Variants in ASB2 observed in about 807,000 individuals in gnomAD.
The protein encoded by ASB2 is ankyrin repeat and SOCS box containing 2.
ASB2 carries 58 observed loss-of-function variants against 62.4 expected under a neutral mutation model. That is an observed-to-expected ratio of 0.93 (90% CI 0.75 to 1.16). The LOEUF is 1.16. ASB2 is among the 50% of genes most tolerant of loss of function. The probability of loss-of-function intolerance (pLI) is 0.00; values close to 1 mark genes in which losing one functional copy is unlikely to be tolerated. For missense variants in ASB2, 928 were observed against 887.9 expected (o/e 1.05, Z -0.57); for synonymous variants, 386 against 385.3 (o/e 1.00, Z -0.02).
At chr14:93,961,311 G>A (rs1595330232) in intron 2 of ASB2, among the ~76,000 whole-genome samples, 1 of 152,246 alleles carries the variant, frequency 6.6e-6, no homozygotes, top group Admixed American at 6.5e-5. Context: ...CAGCCAGTAA[G>A]TGTAGAGGAA....
At chr14:93,944,455 G>A (rs570123441) in intron 7 of ASB2, among the ~76,000 whole-genome samples, 11 of 152,258 alleles carry the variant, frequency 7.2e-5, no homozygotes, top group Non-Finnish European at 1.6e-4. Context: ...TTCGGCTCCT[G>A]GTGCTGCCTT....
intron 9 of ASB2, among the ~76,000 whole-genome samples, chr14:93,935,423 G>GTCAT (rs55731345): frequency 0.57 from 86,719 of 150,852 alleles, 25,252 homozygotes; most frequent in South Asian, 0.64. Context: ...ATCACAGAAT[G>GTCAT]TCATTCATTC....
chr14:93,951,340 C>T, intron 5 of ASB2, 96 bp from the exon 6 acceptor site: 1 of 1,413,236 alleles, frequency 7.1e-7, no homozygotes, highest in Admixed American at 2.1e-5. Context: ...CTCATCCACT[C>T]ATTCAGCTTT....
rs10873442 is a variant in ASB2 at position 93,939,525 on chromosome 14, G to A, written c.1200C>T (p.Ala400=). The A allele has an allele frequency of 6.2e-7, 1 of 1,604,294 alleles. No individual in the cohort carries two copies. Among genetic ancestry groups the A allele is most frequent in the Admixed American group, 1.7e-5 (1 of 59,270 alleles). The change falls in exon 8 of 10, where the codon GCC becomes GCT. Residue 400 remains alanine, a synonymous_variant. Transcript: ENST00000555019. ...CTTCGTAGAGGCGCGCGCGCTCGGG[G>A]GCCAGCGGCGTGTTCACGTCGAAGC... is the stretch of plus-strand genomic sequence containing the variant. ...SARFDVNTPL[A]PERARLYEDR...
chr14:93,974,203 T>C (rs1218255254), intron 1 of ASB2: 2 of 152,234 alleles, frequency 1.3e-5, no homozygotes, highest in Non-Finnish European at 2.9e-5. Flanking sequence ...CTTTCCTCTC[T>C]CCTTTTTTAC....
intron 1 of ASB2, among the ~76,000 whole-genome samples, chr14:93,966,465 C>T (rs1315431091): frequency 6.6e-6 from 1 of 152,252 alleles, no homozygotes; most frequent in Non-Finnish European, 1.5e-5. Context: ...CTTTCCCCAA[C>T]CTCTGCTTAG....
chr14:93,951,988 G>A (rs777486370), intron 5 of ASB2, among the ~76,000 whole-genome samples: 1 of 152,184 alleles, frequency 6.6e-6, no homozygotes, highest in Non-Finnish European at 1.5e-5. Context: ...TGGTATTGGA[G>A]TCACCTGGGC....
intron 7 of ASB2, among the ~76,000 whole-genome samples, chr14:93,946,257 C>T (rs1349519974): frequency 3.3e-5 from 5 of 152,150 alleles, no homozygotes; most frequent in South Asian, 4.1e-4. Context: ...AATGAAAATC[C>T]GGGTTGACCC....
intron 3 of ASB2, 127 bp downstream of exon 3, chr14:93,956,639 G>T: frequency 4.7e-6 from 6 of 1,279,470 alleles, no homozygotes; most frequent in East Asian, 4.8e-5. Context: ...GAAGGAGCGT[G>T]CCTGGCAGGT....
intron 8 of ASB2, among the ~76,000 whole-genome samples, chr14:93,938,143 C>T (rs929195274): frequency 1.3e-5 from 2 of 151,316 alleles, no homozygotes; most frequent in African/African-American, 2.4e-5. Context: ...AAACTTTGCA[C>T]ACAGTAGGCA....
intron 6 of ASB2, among the ~76,000 whole-genome samples, chr14:93,948,521 T>C (rs894314578): frequency 4.6e-5 from 7 of 152,262 alleles, no homozygotes; most frequent in Admixed American, 3.9e-4. Flanking sequence ...CTGCTATCAA[T>C]AACTTCTAGC....
In ASB2 at chr14:93,967,650, T is replaced by C. The variant is rs554414150; in HGVS notation, c.-73-3038A>G. Among the ~76,000 whole-genome samples the C allele has an allele frequency of 3.9e-5, 6 of 152,190 alleles. No homozygotes were observed. In the East Asian group the frequency reaches 7.7e-4, roughly 20 times the overall value. ...AAGGACGATTTGGGGCTGGAAGTTT[T>C]CCGCAGATTTTTCAGTTCTAAAGAG... On this transcript the variant is annotated intron_variant, in intron 1 of 9. Transcript: ENST00000555019.
At chr14:93,942,695 G>T (rs570446234) in intron 7 of ASB2, among the ~76,000 whole-genome samples, 1 of 152,358 alleles carries the variant, frequency 6.6e-6, no homozygotes, top group South Asian at 2.1e-4. Flanking sequence ...CTAGAGAGGG[G>T]CCCAGCATGG....
chr14:93,962,801 A>G (rs1889456928), intron 2 of ASB2, among the ~76,000 whole-genome samples: 1 of 152,182 alleles, frequency 6.6e-6, no homozygotes, highest in South Asian at 2.1e-4. Context: ...CAGAGGAAGG[A>G]TGCCCTATCT....
At chr14:93,974,731 A>G (rs531802956) in intron 1 of ASB2, among the ~76,000 whole-genome samples, 13 of 152,172 alleles carry the variant, frequency 8.5e-5, no homozygotes, top group Middle Eastern at 3.2e-3. Flanking sequence ...AGCTCTCATA[A>G]CCTGTTTCCA....
chr14:93,960,018 C>T (rs897237385), intron 2 of ASB2, among the ~76,000 whole-genome samples: 4 of 151,030 alleles, frequency 2.6e-5, no homozygotes, highest in East Asian at 1.9e-4. Context: ...GTCCACCCCA[C>T]GCCCACCACT....
chr14:93,953,051 C>G (rs895280153), intron 5 of ASB2, among the ~76,000 whole-genome samples: 4 of 152,208 alleles, frequency 2.6e-5, no homozygotes, highest in Admixed American at 2.6e-4. Context: ...CCCACAATGC[C>G]TCCTGCCAAG....
intron 7 of ASB2, 77 bp downstream of exon 7, chr14:93,947,272 G>A: frequency 6.6e-7 from 1 of 1,518,514 alleles, no homozygotes; most frequent in Non-Finnish European, 9.0e-7. Flanking sequence ...ATTCAGGGCA[G>A]GCCCACCCCT....
rs146316143 is a variant in ASB2, at chr14:93,967,717, A to G, written c.-73-3105T>C. The stretch of plus-strand genomic sequence containing the variant: ...ACGTTTGGTTTGGCTCTGTGCTATT[A>G]AACCTCAAATTCTCTGTCCCTGGGG... On this transcript the variant is annotated intron_variant, in intron 1 of 9. Transcript: ENST00000555019. Among the ~76,000 whole-genome samples the G allele has an allele frequency of 3.9e-3, 601 of 152,290 alleles. 3 individuals carry two copies. Among genetic ancestry groups the G allele is most frequent in the African/African-American group, 0.014 (579 of 41,560 alleles).
Sources: allele counts gnomAD v4.1 joint callset (sites outside exome capture counted in the v4.1 genomes callset), GRCh38; gene constraint gnomAD v4.1.1; transcripts MANE v1.5; gene names NCBI Gene and HGNC (gene_info 2026-07-23, HGNC 2026-07-21).